EVC2: variants seen among roughly 807,000 people sequenced by gnomAD.
EVC2 encodes the protein EvC ciliary complex subunit 2.
Under a neutral mutation model 149.3 loss-of-function variants are expected in EVC2, and 148 were observed. The ratio of observed to expected loss-of-function variants is 0.99; its 90% CI spans 0.87 to 1.14. The LOEUF (loss-of-function observed/expected upper bound fraction) is 1.14. EVC2 is among the 50% of genes most tolerant of loss of function. EVC2 has a pLI of 0.00. For synonymous variants in EVC2, 776 were observed against 649.9 expected (o/e 1.19, Z -2.95); for missense variants, 1,854 against 1,627.3 (o/e 1.14, Z -2.40).
intron 9 of EVC2, among the ~76,000 whole-genome samples, chr4:5,649,404 T>G (rs1347058537): frequency 6.6e-6 from 1 of 152,200 alleles, no homozygotes; most frequent in Non-Finnish European, 1.5e-5. Context: ...TGATAACATC[T>G]TTCAAGGGAA....
At position 5,568,969 on chromosome 4, in the gene EVC2, G is replaced by C. The variant is rs533553683; in HGVS notation, c.3361-329C>G. 1.1e-4 allele frequency among the ~76,000 whole-genome samples: 16 copies of C among 152,300 alleles called. 1 individual carries two copies. In the South Asian group the frequency reaches 3.3e-3, roughly 32 times the overall value. ...CTTTCTCCTCCTCCTCACATTCTGT[G>C]AGGCCATTAGGCACCAGGCGAGCAG... On this transcript the variant is annotated intron_variant, in intron 19 of 21. Transcript: ENST00000344408.
downstream of EVC2, among the ~76,000 whole-genome samples, chr4:5,560,075 G>A (rs1398279337): frequency 6.6e-6 from 1 of 151,606 alleles, no homozygotes; most frequent in Non-Finnish European, 1.5e-5. The surrounding 1 kb of genome is among the most constrained non-coding windows in gnomAD (Gnocchi z 4.1). Flanking sequence ...ATTTATTTTT[G>A]TGTTAGTCAA....
the EVC2 span, among the ~76,000 whole-genome samples, chr4:5,533,921 G>T: frequency 6.6e-6 from 1 of 152,318 alleles, no homozygotes; most frequent in African/African-American, 2.4e-5. Flanking sequence ...TCAGAGTCCT[G>T]GGAGAGCAAA....
chr4:5,661,145 T>C (rs1718849583), intron 9 of EVC2, among the ~76,000 whole-genome samples: 1 of 152,128 alleles, frequency 6.6e-6, no homozygotes, highest in Non-Finnish European at 1.5e-5. Flanking sequence ...ACATCTTTAA[T>C]CTAGAATAAA....
At position 5,562,449 on chromosome 4, in the gene EVC2, A is replaced by G; in HGVS notation, c.*399T>C. 9.4e-7 allele frequency: 1 copy of G among 1,058,862 alleles called. No homozygotes were observed. The highest frequency in any genetic ancestry group is 1.1e-6 in the Non-Finnish European group (1 of 869,912). The allele number at this position is 1,058,862 out of a possible 1,614,324, so 65.6% of individuals were successfully genotyped here. ...TTTGTAATAAACAGCTTTGTGCAAAACACATTTATTTTTTAAAATTCCCTT... is the reference window on the plus strand; with the variant it reads ...TTTGTAATAAACAGCTTTGTGCAAAGCACATTTATTTTTTAAAATTCCCTT... On this transcript the variant is annotated 3_prime_UTR_variant, in exon 22 of 22. Transcript: ENST00000344408. This position sits in a 1 kb window ranked among gnomAD's most constrained non-coding sequence, Gnocchi z 4.3.
At chr4:5,687,900 G>A (rs1288336270) in intron 5 of EVC2, among the ~76,000 whole-genome samples, 1 of 152,134 alleles carries the variant, frequency 6.6e-6, no homozygotes, top group African/African-American at 2.4e-5. Flanking sequence ...CTCCACAATG[G>A]ACTGATATTC....
intron 21 of EVC2, among the ~76,000 whole-genome samples, chr4:5,543,749 G>C (rs1429057822): frequency 6.6e-6 from 1 of 152,154 alleles, no homozygotes; most frequent in Non-Finnish European, 1.5e-5. Flanking sequence ...GAACCGGAGA[G>C]GGAAATGGTA....
At chr4:5,607,344 C>T (rs1714474766) in intron 16 of EVC2, among the ~76,000 whole-genome samples, 1 of 152,172 alleles carries the variant, frequency 6.6e-6, no homozygotes, top group Admixed American at 6.5e-5. Flanking sequence ...TAGGCAACTA[C>T]TAAATGAATC....
At chr4:5,585,601 A>T (rs1349305773) in intron 16 of EVC2, among the ~76,000 whole-genome samples, 2 of 152,154 alleles carry the variant, frequency 1.3e-5, no homozygotes, top group Non-Finnish European at 2.9e-5. Flanking sequence ...AAACAGCTTA[A>T]TTGAGGTATA....
chr4:5,704,327 G>A (rs1002445671), intron 1 of EVC2, among the ~76,000 whole-genome samples: 8 of 152,150 alleles, frequency 5.3e-5, no homozygotes, highest in Non-Finnish European at 1.0e-4. Context: ...TGTGGGGCTT[G>A]GGGAGAGGGA....
chr4:5,659,399 A>G (rs1273255984), intron 9 of EVC2, among the ~76,000 whole-genome samples: 1 of 146,656 alleles, frequency 6.8e-6, no homozygotes, highest in East Asian at 2.0e-4. Flanking sequence ...TGGCAATGCT[A>G]TAATTGAAAA....
intron 11 of EVC2, among the ~76,000 whole-genome samples, chr4:5,631,579 C>A (rs1244917443): frequency 1.3e-5 from 2 of 149,394 alleles, no homozygotes; most frequent in Non-Finnish European, 3.0e-5. Context: ...GGGGGGGGAA[C>A]TGAAATTCCA....
intron 16 of EVC2, among the ~76,000 whole-genome samples, chr4:5,598,704 C>G (rs866294880): frequency 6.6e-6 from 1 of 152,002 alleles, no homozygotes; most frequent in Non-Finnish European, 1.5e-5. Context: ...GCAACAAAAG[C>G]CAAAATTGAC....
intron 9 of EVC2, among the ~76,000 whole-genome samples, chr4:5,646,470 A>T (rs915699856): frequency 2.0e-5 from 3 of 152,066 alleles, no homozygotes; most frequent in Admixed American, 2.0e-4. Flanking sequence ...TAGATCCATG[A>T]TTTCATTAGG....
chr4:5,629,623 G>A (rs865792429), intron 11 of EVC2, among the ~76,000 whole-genome samples: 3 of 152,330 alleles, frequency 2.0e-5, no homozygotes, highest in Non-Finnish European at 2.9e-5. Context: ...CAGCATGGAC[G>A]TTCCCCTTCC....
intron 10 of EVC2, among the ~76,000 whole-genome samples, chr4:5,638,906 G>A (rs929941330): frequency 2.0e-5 from 3 of 152,052 alleles, no homozygotes; most frequent in Admixed American, 2.0e-4. Context: ...TTGGACGTCT[G>A]GCCTCCAGAA....
At chr4:5,547,060 T>C (rs575114734) in intron 21 of EVC2, among the ~76,000 whole-genome samples, 2 of 152,344 alleles carry the variant, frequency 1.3e-5, no homozygotes, top group East Asian at 3.9e-4. Flanking sequence ...CTCTGCACTC[T>C]TGGGGGTCCA....
chr4:5,613,505 G>A lies in EVC2; in HGVS notation c.2829+1917C>T, dbSNP rs1230049810. Reference sequence around the variant, plus strand: ...CAGGAGCTCAATGTGCACAGGACCCGACCTCTCTCCAGCTCTCTCCTCTTC... The same window carrying A: ...CAGGAGCTCAATGTGCACAGGACCCAACCTCTCTCCAGCTCTCTCCTCTTC... On this transcript the variant is annotated intron_variant, in intron 16 of 21. Transcript: ENST00000344408. The surrounding 1 kb of genome is among the most constrained non-coding windows in gnomAD (Gnocchi z 4.6). 6.6e-5 allele frequency among the ~76,000 whole-genome samples: 10 copies of A among 152,024 alleles called. No homozygotes were observed. In the East Asian group the frequency reaches 1.5e-3, roughly 24 times the overall value.
At chr4:5,556,036 G>A (rs564971969) in intron 21 of EVC2, among the ~76,000 whole-genome samples, 8 of 151,828 alleles carry the variant, frequency 5.3e-5, no homozygotes, top group South Asian at 2.1e-4. Flanking sequence ...AAAATTAGCC[G>A]GGCATGGTGG....
Sources: allele counts gnomAD v4.1 joint callset (sites outside exome capture counted in the v4.1 genomes callset), GRCh38; gene constraint gnomAD v4.1.1; non-coding constraint Gnocchi (gnomAD v3.1); transcripts MANE v1.5; gene names NCBI Gene and HGNC (gene_info 2026-07-23, HGNC 2026-07-21).